The following STAB2 variants were observed in gnomAD, a reference collection of about 807,000 sequenced individuals.
The protein encoded by STAB2 is stabilin-2.
STAB2 carries 288 observed loss-of-function variants against 338.1 expected under a neutral mutation model. The ratio of observed to expected loss-of-function variants is 0.85; its 90% CI spans 0.77 to 0.94. STAB2 has a LOEUF of 0.94. Ranked by LOEUF, STAB2 falls within the 40% of genes least tolerant of loss-of-function variation. The pLI, the probability that STAB2 is intolerant of heterozygous loss-of-function variation, is 0.00. For missense variants in STAB2, 3,141 were observed against 3,210.1 expected, an observed-to-expected ratio of 0.98 and a Z score of 0.52; for synonymous variants, 1,202 against 1,193.3, an observed-to-expected ratio of 1.01 and a Z score of -0.15.
intron 57 of STAB2, among the ~76,000 whole-genome samples, chr12:103,745,512 G>A (rs1882959298): frequency 6.6e-6 from 1 of 152,210 alleles, no homozygotes; most frequent in African/African-American, 2.4e-5. Context: ...CATCCTGTAT[G>A]ATTATAGGAC....
rs779693968 is a variant in STAB2 at position 103,673,887 on chromosome 12, CCCT to C, written c.2372-9_2372-7del. 5.6e-6 allele frequency: 9 copies of C among 1,602,284 alleles called. No individual in the cohort carries two copies. Among genetic ancestry groups the C allele is most frequent in the South Asian group, 4.4e-5 (4 of 90,250 alleles). Reference sequence around the variant, plus strand: ...TTGTCCCCAAGGCCTGGACGGATGTCCCTCCTCCTCCTCTTTCAGAATGCCTGT... The same window carrying C: ...TTGTCCCCAAGGCCTGGACGGATGTCCCTCCTCCTCTTTCAGAATGCCTGT... On this transcript the variant is annotated splice_polypyrimidine_tract_variant and intron_variant, in intron 22 of 68. Transcript: ENST00000388887.
At chr12:103,625,423 A>C (rs927261276) in intron 5 of STAB2, among the ~76,000 whole-genome samples, 3 of 152,196 alleles carry the variant, frequency 2.0e-5, no homozygotes, top group Admixed American at 6.5e-5. Context: ...GCTTAGTTAC[A>C]TATGTGTACA....
chr12:103,674,720 G>T (rs1245174688), intron 23 of STAB2, among the ~76,000 whole-genome samples: 1 of 152,200 alleles, frequency 6.6e-6, no homozygotes, highest in African/African-American at 2.4e-5. Context: ...CTCCAAGGCA[G>T]TAACCACCTA....
chr12:103,715,830 T>G lies in STAB2; in HGVS notation c.4553T>G (p.Leu1518Trp). Residue 1518 changes from leucine to tryptophan, a missense_variant, in exon 43 of 69, where the codon TTG becomes TGG. Transcript: ENST00000388887. ...GIVCLEINPC[L>W]ENHGGCDKNA... Reference sequence around the variant, plus strand: ...TGTTTTAAAGAAATCAACCCGTGTTTGGAGAACCATGGTGGCTGTGACAAG... The same window carrying G: ...TGTTTTAAAGAAATCAACCCGTGTTGGGAGAACCATGGTGGCTGTGACAAG... 1 of 1,614,044 alleles carries G rather than the reference T, an allele frequency of 6.2e-7. No homozygotes were observed. The highest frequency in any genetic ancestry group is 1.1e-5 in the South Asian group (1 of 91,074).
intron 19 of STAB2, 126 bp from the exon 20 acceptor site, chr12:103,668,503 TCTGCTAGTGTGGTC>T (rs1875383499): frequency 2.8e-6 from 2 of 716,744 alleles, no homozygotes; most frequent in Non-Finnish European, 4.8e-6. Context: ...TAGACCCAGG[TCTGCTAGTGTGGTC>T]CAGCACTCTC....
In STAB2 at chr12:103,715,803, T is replaced by G; in HGVS notation, c.4538-12T>G. 1 of 1,614,060 alleles carries G rather than the reference T, an allele frequency of 6.2e-7. No homozygotes were observed. The highest frequency in any genetic ancestry group is 8.5e-7 in the Non-Finnish European group (1 of 1,179,944). On this transcript the variant is annotated splice_polypyrimidine_tract_variant and intron_variant, in intron 42 of 68. Coordinates refer to ENST00000388887, the MANE Select transcript of STAB2 (RefSeq NM_017564.10). The stretch of plus-strand genomic sequence containing the variant: ...GGATTTCCAGGCCAGATGTTGGCTT[T>G]TTGTTTTAAAGAAATCAACCCGTGT...
rs762394072 is a variant in STAB2 at position 103,587,576 on chromosome 12, AT to A, written c.81+26del. On this transcript the variant is annotated intron_variant, in intron 1 of 68. Coordinates refer to ENST00000388887, the MANE Select transcript of STAB2 (RefSeq NM_017564.10). ...AGGGCAGGTAAGAGGAGACTTACATATTTTTTTCATTTGTTAATTGTCATGA... is the reference window on the plus strand; with the variant it reads ...AGGGCAGGTAAGAGGAGACTTACATATTTTTTCATTTGTTAATTGTCATGA... 2.5e-6 allele frequency: 4 copies of A among 1,598,410 alleles called. No homozygotes were observed. The highest frequency in any genetic ancestry group is 1.7e-5 in the Admixed American group (1 of 59,826).
chr12:103,763,427 C>A, intron 67 of STAB2, 65 bp from the exon 68 acceptor site: 1 of 1,479,520 alleles, frequency 6.8e-7, no homozygotes, highest in Non-Finnish European at 9.4e-7. Context: ...CTTTACCTGC[C>A]AACTTGGCTG....
intron 2 of STAB2, chr12:103,592,233 T>A (rs1956810246): frequency 6.6e-6 from 1 of 151,152 alleles, no homozygotes; most frequent in Non-Finnish European, 1.5e-5. Flanking sequence ...AACACCTTGA[T>A]TGCTTCTGAT....
chr12:103,733,134 G>A lies in STAB2; in HGVS notation c.5412G>A (p.Lys1804=). The A allele has an allele frequency of 6.2e-7, 1 of 1,614,056 alleles. No individual in the cohort carries two copies. Residue 1804 remains lysine (K), a synonymous_variant, in exon 51 of 69, where the codon AAG becomes AAA. Coordinates refer to ENST00000388887, the MANE Select transcript of STAB2 (RefSeq NM_017564.10). ...QQDFLFNQDN[K]DKLKEYLKFH... is the part of the protein sequence containing the mutation. ...ACTTCCTGTTCAACCAAGACAACAA[G>A]GACAAGCTGAAGGAGTATTTGAAGT...
In STAB2 at chr12:103,594,459, G is replaced by A. The variant is rs758324822; in HGVS notation, c.280G>A (p.Asp94Asn). 5.3e-5 allele frequency: 86 copies of A among 1,613,898 alleles called. No homozygotes were observed. Among genetic ancestry groups the A allele is most frequent in the Non-Finnish European group, 6.6e-5 (78 of 1,179,910 alleles). Residue 94 changes from aspartate to asparagine, a missense_variant, in exon 3 of 69, where the codon GAC becomes AAC. Physicochemically the swap from Asp to Asn is conservative, Grantham distance 23. Transcript: ENST00000388887. The part of the protein sequence containing the change: ...LPGCRHICRK[D>N]YLQPRCCPGR... ...CGGATGCCGCCATATTTGTAGGAAG[G>A]ACTATCTCCAACCTCGGTGTTGTCC...
intron 24 of STAB2, 143 bp from the exon 25 acceptor site, chr12:103,677,310 T>A (rs1876472596): frequency 1.7e-6 from 2 of 1,203,052 alleles, no homozygotes; most frequent in Admixed American, 4.6e-5. Context: ...TTTTCATGAA[T>A]CTCAATGTAA....
At chr12:103,736,076 A>G (rs1882097684) in intron 52 of STAB2, among the ~76,000 whole-genome samples, 1 of 152,186 alleles carries the variant, frequency 6.6e-6, no homozygotes, top group Admixed American at 6.5e-5. Flanking sequence ...CTGTAATTCC[A>G]TATGATGAAT....
chr12:103,705,634 T>C lies in STAB2; in HGVS notation c.3903T>C (p.Gly1301=), dbSNP rs1463383099. 6.2e-7 allele frequency: 1 copy of C among 1,613,902 alleles called. No individual in the cohort carries two copies. The highest frequency in any genetic ancestry group is 8.5e-7 in the Non-Finnish European group (1 of 1,179,922). The stretch of plus-strand genomic sequence containing the variant: ...ACGTAGTCATTAATATTTCACAGGG[T>C]AATGAGAAGAGGAGATGCATCTATA... The part of the protein sequence containing the change: ...LTCPFGTKSL[G]NEKRRCIYTS... The change falls in exon 37 of 69, where the codon GGT becomes GGC. Residue 1301 remains glycine, a splice_region_variant and synonymous_variant. Coordinates refer to ENST00000388887, the MANE Select transcript of STAB2 (RefSeq NM_017564.10).
Position 103,730,173 on chromosome 12 carries a change from A to C in STAB2, c.5140A>C (p.Asn1714His). ...KIISSDIIST[N>H]GIVHIIDKLL... ...CATATCCAGTGATATCATCAGTACT[A>C]ATGGGATTGTTCATATCATAGACAA... The change falls in exon 49 of 69, where the codon AAT becomes CAT. Residue 1714 changes from asparagine to histidine, a missense_variant. Transcript: ENST00000388887. The C allele has an allele frequency of 6.2e-7, 1 of 1,613,548 alleles. No individual in the cohort carries two copies. Among genetic ancestry groups the C allele is most frequent in the East Asian group, 2.2e-5 (1 of 44,784 alleles).
At chr12:103,623,794 G>A (rs1593153845) in intron 5 of STAB2, among the ~76,000 whole-genome samples, 1 of 152,166 alleles carries the variant, frequency 6.6e-6, no homozygotes. Flanking sequence ...AGTGGGGAGA[G>A]TTTTTCACTC....
intron 2 of STAB2, among the ~76,000 whole-genome samples, chr12:103,594,178 G>A (rs937361223): frequency 3.3e-5 from 5 of 151,940 alleles, no homozygotes; most frequent in Middle Eastern, 3.2e-3. Context: ...TATTTCCCCC[G>A]TATGTTCATT....
intron 66 of STAB2, among the ~76,000 whole-genome samples, chr12:103,762,056 CAAT>C (rs1222118951): frequency 6.6e-6 from 1 of 152,172 alleles, no homozygotes; most frequent in Middle Eastern, 3.2e-3. Flanking sequence ...AGTTCTCCCA[CAAT>C]AATAACTCTC....
In STAB2 at chr12:103,668,697, G is replaced by A. The variant is rs569810604; in HGVS notation, c.2140G>A (p.Gly714Ser). 6.3e-5 allele frequency: 98 copies of A among 1,550,336 alleles called. No homozygotes were observed. In the South Asian group the frequency reaches 8.6e-4, roughly 14 times the overall value. Residue 714 changes from glycine to serine, a missense_variant, in exon 20 of 69, where the codon GGC becomes AGC. Gly to Ser is a moderately conservative substitution (Grantham distance 56). Transcript: ENST00000388887. The part of the protein sequence containing the change: ...YSGRFGSLKS[G>S]CARYCNATVK... ...TGGCAGGTTTGGGAGCCTGAAGAGC[G>A]GCTGTGCCCGGTACTGCAATGCCAC...
Sources: gnomAD v4.1 joint callset for allele counts (sites outside exome capture counted in the v4.1 genomes callset) on GRCh38, gnomAD v4.1.1 for gene constraint, MANE v1.5 for transcripts, NCBI Gene and HGNC (gene_info 2026-07-23, HGNC 2026-07-21) for gene names.